Variants in PRKCSH observed in about 807,000 individuals in gnomAD.
The protein encoded by PRKCSH is PRKCSH beta subunit of glucosidase II.
Under a neutral mutation model 79.7 loss-of-function variants are expected in PRKCSH, and 42 were observed. The ratio of observed to expected loss-of-function variants is 0.53; its 90% CI spans 0.41 to 0.68. The LOEUF (loss-of-function observed/expected upper bound fraction) is 0.68, where lower values mean the gene tolerates loss of function less well. PRKCSH is among the 30% of genes least tolerant of loss of function. The pLI is 0.00. For missense variants in PRKCSH, 686 were observed against 709.0 expected, an observed-to-expected ratio of 0.97 and a Z score of 0.37; for synonymous variants, 325 against 288.2, an observed-to-expected ratio of 1.13 and a Z score of -1.29.
In PRKCSH at chr19:11,448,440, C is replaced by A; in HGVS notation, c.1197-100C>A. On this transcript the variant is annotated intron_variant, in intron 13 of 17. Coordinates refer to ENST00000677123, the MANE Select transcript of PRKCSH (RefSeq NM_001289104.2). The surrounding 1 kb of genome is among the most constrained non-coding windows in gnomAD (Gnocchi z 4.4). ...CCCTGGGAGGTGGCAGGGAGGACAG[C>A]CTGGGCACCATTGCTCAGCCAGACC... 2 of 1,455,658 alleles carry A rather than the reference C, an allele frequency of 1.4e-6. No individual in the cohort carries two copies. The highest frequency in any genetic ancestry group is 9.6e-7 in the Non-Finnish European group (1 of 1,041,284). 90.2% of individuals were successfully genotyped at this position (1,455,658 alleles called of 1,614,324 possible). A position where few individuals can be genotyped will look rare whatever the true frequency, so the allele number is the denominator to read the frequency against.
chr19:11,438,039 C>T, intron 4 of PRKCSH, 28 bp from the exon 5 acceptor site: 1 of 1,614,100 alleles, frequency 6.2e-7, no homozygotes. Context: ...ACTGCCAGGT[C>T]TGATCTTGGC....
chr19:11,444,442 A>G (rs1970201885), intron 7 of PRKCSH, among the ~76,000 whole-genome samples: 1 of 152,196 alleles, frequency 6.6e-6, no homozygotes, highest in Non-Finnish European at 1.5e-5. Flanking sequence ...CAGAAAGGTC[A>G]GGGACCCCTC....
rs752144553 is a variant in PRKCSH at position 11,447,513 on chromosome 19, C to T, written c.924C>T (p.Pro308=). The T allele has an allele frequency of 6.2e-7, 1 of 1,612,498 alleles. No individual in the cohort carries two copies. Among genetic ancestry groups the T allele is most frequent in the Non-Finnish European group, 8.5e-7 (1 of 1,179,638 alleles). ...TEPKEEQPPV[P]SSPTEEEEEE... is the part of the protein sequence containing the mutation. Reference sequence around the variant, plus strand: ...CCAAGGAGGAGCAGCCGCCAGTGCCCTCGTCGCCCACAGAGGAGGAGGAGG... The same window carrying T: ...CCAAGGAGGAGCAGCCGCCAGTGCCTTCGTCGCCCACAGAGGAGGAGGAGG... The change falls in exon 11 of 18, where the codon CCC becomes CCT. Residue 308 remains proline, a synonymous_variant. Transcript: ENST00000677123. This position sits in a 1 kb window ranked among gnomAD's most constrained non-coding sequence, Gnocchi z 5.6.
chr19:11,448,739 C>G lies in PRKCSH; in HGVS notation c.1286+110C>G. ...TGGGGAACCATCTGCGGGTGGGGCC[C>G]GAGAGTGCTGCCTTCCATATTGAGG... On this transcript the variant is annotated intron_variant, in intron 14 of 17. Coordinates refer to ENST00000677123, the MANE Select transcript of PRKCSH (RefSeq NM_001289104.2). This position sits in a 1 kb window ranked among gnomAD's most constrained non-coding sequence, Gnocchi z 4.4. 1 of 1,347,738 alleles carries G rather than the reference C, an allele frequency of 7.4e-7. No individual in the cohort carries two copies. The highest frequency in any genetic ancestry group is 1.1e-6 in the Non-Finnish European group (1 of 944,254). The allele number at this position is 1,347,738 out of a possible 1,614,324, so 83.5% of individuals were successfully genotyped here. A position where few individuals can be genotyped will look rare whatever the true frequency, so the allele number is the denominator to read the frequency against.
At chr19:11,438,039 C>G in intron 4 of PRKCSH, 28 bp from the exon 5 acceptor site, 2 of 1,614,100 alleles carry the variant, frequency 1.2e-6, no homozygotes, top group Non-Finnish European at 1.7e-6. Flanking sequence ...ACTGCCAGGT[C>G]TGATCTTGGC....
chr19:11,444,129 G>T (rs945057522), intron 7 of PRKCSH, among the ~76,000 whole-genome samples: 18 of 152,200 alleles, frequency 1.2e-4, no homozygotes, highest in African/African-American at 4.1e-4. Context: ...GCTAGAGCCT[G>T]GTGTTTTTTG....
chr19:11,446,593 C>A (rs1040518937), intron 9 of PRKCSH, among the ~76,000 whole-genome samples: 5 of 150,816 alleles, frequency 3.3e-5, no homozygotes, highest in African/African-American at 1.2e-4. Flanking sequence ...CACCCAATCC[C>A]CTTCCTCCCC....
At chr19:11,444,706 T>C (rs80170279) in intron 7 of PRKCSH, among the ~76,000 whole-genome samples, 7,843 of 152,196 alleles carry the variant, frequency 0.052, 302 homozygotes, top group Admixed American at 0.12. Flanking sequence ...GGAGGGACTT[T>C]TGGGACAGAG....
intron 9 of PRKCSH, 111 bp from the exon 10 acceptor site, chr19:11,446,961 CAG>C: frequency 8.6e-7 from 1 of 1,165,132 alleles, no homozygotes; most frequent in Admixed American, 1.8e-5. Flanking sequence ...GCCTGGTCAT[CAG>C]GGCCCGGGGC....
chr19:11,447,824 G>C lies in PRKCSH; in HGVS notation c.1126+35G>C. ...GGCGGGGGCCAGGCTCCTCGGGTGG[G>C]CCCAGCGTTTCCTGCCGTGGTGGCA... is the stretch of plus-strand genomic sequence containing the variant. On this transcript the variant is annotated intron_variant, in intron 12 of 17. Transcript: ENST00000677123. This position sits in a 1 kb window ranked among gnomAD's most constrained non-coding sequence, Gnocchi z 5.6. 6.6e-7 allele frequency: 1 copy of C among 1,525,742 alleles called. No homozygotes were observed. The highest frequency in any genetic ancestry group is 1.2e-5 in the South Asian group (1 of 80,352). 94.5% of individuals were successfully genotyped at this position (1,525,742 alleles called of 1,614,324 possible). A position where few individuals can be genotyped will look rare whatever the true frequency, so the allele number is the denominator to read the frequency against.
At position 11,448,173 on chromosome 19, in the gene PRKCSH, C is replaced by T. The variant is rs1313550553; in HGVS notation, c.1127-49C>T. On this transcript the variant is annotated intron_variant, in intron 12 of 17. Transcript: ENST00000677123. This position sits in a 1 kb window ranked among gnomAD's most constrained non-coding sequence, Gnocchi z 4.4. ...ACATCCATGGAACCCCGTTCCCCAT[C>T]CTCCTGGATGGGGTTGAGGACATCT... The T allele has an allele frequency of 9.2e-6, 14 of 1,527,358 alleles. No individual in the cohort carries two copies. The highest frequency in any genetic ancestry group is 2.8e-5 in the African/African-American group (2 of 72,508). 94.6% of individuals were successfully genotyped at this position (1,527,358 alleles called of 1,614,324 possible). A position where few individuals can be genotyped will look rare whatever the true frequency, so the allele number is the denominator to read the frequency against.
chr19:11,445,628 C>G, intron 8 of PRKCSH, 155 bp downstream of exon 8: 1 of 755,608 alleles, frequency 1.3e-6, no homozygotes, highest in Non-Finnish European at 2.3e-6. Flanking sequence ...GCCTCTTACT[C>G]GTGGATGGCC....
At position 11,447,295 on chromosome 19, in the gene PRKCSH, C is replaced by A. The variant is rs1970354077; in HGVS notation, c.849+135C>A. 3 of 1,309,318 alleles carry A rather than the reference C, an allele frequency of 2.3e-6. No homozygotes were observed. The highest frequency in any genetic ancestry group is 3.2e-6 in the Non-Finnish European group (3 of 933,340). The allele number at this position is 1,309,318 out of a possible 1,614,324, so 81.1% of individuals were successfully genotyped here. The stretch of plus-strand genomic sequence containing the variant: ...GTGGCCCCAGCACCCCCCACCGAGA[C>A]CCCCCGACCCCAGCTGTCGGTCCTC... On this transcript the variant is annotated intron_variant, in intron 10 of 17. Transcript: ENST00000677123. This position sits in a 1 kb window ranked among gnomAD's most constrained non-coding sequence, Gnocchi z 5.6.
chr19:11,446,316 A>T lies in PRKCSH; in HGVS notation c.728A>T (p.Asp243Val). The T allele has an allele frequency of 6.2e-7, 1 of 1,613,778 alleles. No individual in the cohort carries two copies. Among genetic ancestry groups the T allele is most frequent in the South Asian group, 1.1e-5 (1 of 91,062 alleles). The change falls in exon 9 of 18, where the codon GAT becomes GTT. Residue 243 changes from aspartate to valine, a missense_variant. Physicochemically the swap from Asp to Val is radical, Grantham distance 152 (BLOSUM62 -3). Around this residue, in one of 2 missense-constraint regions of PRKCSH, gnomAD observed 549 missense variants for 520.2 expected, o/e 1.06. Coordinates refer to ENST00000677123, the MANE Select transcript of PRKCSH (RefSeq NM_001289104.2). ...ELQTHPELDT[D>V]GDGALSEAEA... Reference sequence around the variant, plus strand: ...CAGACTCACCCGGAGCTGGACACAGATGGGGATGGGGCGTTGTCAGAAGCG... The same window carrying T: ...CAGACTCACCCGGAGCTGGACACAGTTGGGGATGGGGCGTTGTCAGAAGCG...
At chr19:11,441,214 G>C (rs774897405) in intron 5 of PRKCSH, 26 bp from the exon 6 acceptor site, 11 of 1,610,714 alleles carry the variant, frequency 6.8e-6, no homozygotes, top group Non-Finnish European at 9.3e-6. Flanking sequence ...CCCCACTGGT[G>C]GTGCCTGTGT....
chr19:11,446,210 G>A, intron 8 of PRKCSH, 62 bp from the exon 9 acceptor site: 2 of 1,565,820 alleles, frequency 1.3e-6, no homozygotes, highest in Admixed American at 1.7e-5. Context: ...GCCACATGGT[G>A]CCCCCAACTG....
At chr19:11,441,457 C>A in intron 6 of PRKCSH, 100 bp downstream of exon 6, 1 of 1,091,820 alleles carries the variant, frequency 9.2e-7, no homozygotes, top group Non-Finnish European at 1.4e-6. Flanking sequence ...GACTGCTGTT[C>A]TGGGGCAAGT....
At chr19:11,440,295 C>T (rs1037705487) in intron 5 of PRKCSH, among the ~76,000 whole-genome samples, 1 of 151,106 alleles carries the variant, frequency 6.6e-6, no homozygotes, top group Non-Finnish European at 1.5e-5. Flanking sequence ...CTACAGGCAC[C>T]TGCCGCTACA....
chr19:11,441,547 G>A (rs890396525), intron 6 of PRKCSH, among the ~76,000 whole-genome samples, 190 bp downstream of exon 6: 1 of 152,162 alleles, frequency 6.6e-6, no homozygotes, highest in Non-Finnish European at 1.5e-5. Context: ...TCCCGAGGGG[G>A]AGGCTGTCAG....
Sources: gnomAD v4.1 joint callset for allele counts (sites outside exome capture counted in the v4.1 genomes callset) on GRCh38, gnomAD v4.1.1 for gene constraint, gnomAD v4.1.1 regional missense constraint, Gnocchi (gnomAD v3.1) non-coding constraint, MANE v1.5 for transcripts, NCBI Gene and HGNC (gene_info 2026-07-23, HGNC 2026-07-21) for gene names.